Variants in RC3H2 observed in about 807,000 individuals in gnomAD.
RC3H2 encodes the protein roquin-2.
In RC3H2, 31 loss-of-function variants were observed where a neutral mutation model predicts 133.3. That is an observed-to-expected ratio of 0.23 (90% CI 0.17 to 0.31). RC3H2 has a LOEUF of 0.31. Ranked by LOEUF, RC3H2 falls within the 10% of genes least tolerant of loss-of-function variation. The pLI, the probability that RC3H2 is intolerant of heterozygous loss-of-function variation, is 1.00. For missense variants in RC3H2, 1,175 were observed against 1,437.2 expected, an observed-to-expected ratio of 0.82 and a Z score of 2.95; for synonymous variants, 517 against 502.2, an observed-to-expected ratio of 1.03 and a Z score of -0.40.
intron 2 of RC3H2, among the ~76,000 whole-genome samples, chr9:122,893,504 C>T (rs1229880353): frequency 1.3e-5 from 2 of 151,940 alleles, no homozygotes; most frequent in Admixed American, 1.3e-4. Context: ...AAAATAACAA[C>T]AATAACAGCA....
chr9:122,883,428 A>G (rs754207726), intron 4 of RC3H2, 49 bp from the exon 5 acceptor site: 16 of 1,456,626 alleles, frequency 1.1e-5, no homozygotes, highest in Non-Finnish European at 1.5e-5. Context: ...GGAACCCATC[A>G]GATCATGTGT....
At position 122,859,000 on chromosome 9, in the gene RC3H2, GA is replaced by G. The variant is rs1485609717; in HGVS notation, c.1951del (p.Ser651ProfsTer17). 6.2e-7 allele frequency: 1 copy of G among 1,614,120 alleles called. No homozygotes were observed. The highest frequency in any genetic ancestry group is 1.3e-5 in the African/African-American group (1 of 75,062). ...NVPESSLPPA[S>X]MPYADHYSTF... ...ACTGTAATGATCGGCATATGGCATG[GA>G]AGCAGGTGGGAGGGAGGACTCTGGA... On this transcript the variant is annotated frameshift_variant, in exon 12 of 21. Coordinates refer to ENST00000357244, the MANE Select transcript of RC3H2 (RefSeq NM_001100588.3). LOFTEE classifies it high-confidence loss of function.
At chr9:122,868,089 C>T (rs1479488073) in intron 9 of RC3H2, among the ~76,000 whole-genome samples, 3 of 140,858 alleles carry the variant, frequency 2.1e-5, no homozygotes, top group Middle Eastern at 3.9e-3. Context: ...GCACCCCGCC[C>T]GGCCAGCCAC....
At chr9:122,876,936 C>G (rs1389569811) in intron 9 of RC3H2, among the ~76,000 whole-genome samples, 1 of 152,148 alleles carries the variant, frequency 6.6e-6, no homozygotes, top group African/African-American at 2.4e-5. Context: ...TTAACTGAAT[C>G]TGAGCAAATA....
At chr9:122,873,931 C>G (rs1398566198) in intron 9 of RC3H2, 2 of 152,142 alleles carry the variant, frequency 1.3e-5, no homozygotes, top group African/African-American at 4.8e-5. Flanking sequence ...CATTCTCCCG[C>G]CTCAGCCTCC....
intron 10 of RC3H2, among the ~76,000 whole-genome samples, chr9:122,861,204 A>AT (rs1460062441): frequency 1.3e-5 from 2 of 152,104 alleles, no homozygotes; most frequent in African/African-American, 4.8e-5. Flanking sequence ...AAGAAGTCAA[A>AT]TTTCGGCCGG....
rs189275405 is a variant in RC3H2, at chr9:122,881,775, T to C, written c.760-981A>G. On this transcript the variant is annotated intron_variant, in intron 5 of 20. Transcript: ENST00000357244. ...TCTGGGCTCAAGCAATCCTCTCGCT[T>C]TGGCCTCCCAAAGTGCTGGGATTAC... Among the ~76,000 whole-genome samples the C allele has an allele frequency of 1.0e-3, 157 of 152,288 alleles. No homozygotes were observed. The Middle Eastern group carries it at 0.014, about 13-fold the overall frequency.
At chr9:122,861,438 C>T (rs1419589075) in intron 10 of RC3H2, among the ~76,000 whole-genome samples, 2 of 147,228 alleles carry the variant, frequency 1.4e-5, no homozygotes, top group African/African-American at 5.1e-5. Context: ...TGTGGTGAGC[C>T]GAGATCACGC....
chr9:122,858,574 A>C, intron 12 of RC3H2, 95 bp downstream of exon 12: 1 of 1,014,300 alleles, frequency 9.9e-7, no homozygotes, highest in East Asian at 2.4e-5. Context: ...TAAGTCACAC[A>C]ATTAGTAAGT....
chr9:122,856,530 T>C (rs879276060), intron 13 of RC3H2, among the ~76,000 whole-genome samples: 21 of 152,204 alleles, frequency 1.4e-4, no homozygotes, highest in Non-Finnish European at 2.5e-4. Context: ...GCTGGGATTA[T>C]AGGCATGAGC....
At chr9:122,876,660 C>G (rs577630206) in intron 9 of RC3H2, among the ~76,000 whole-genome samples, 2 of 150,404 alleles carry the variant, frequency 1.3e-5, no homozygotes, top group Non-Finnish European at 1.5e-5. Flanking sequence ...CACTGGCCAG[C>G]AGAAAGTAGA....
intron 2 of RC3H2, among the ~76,000 whole-genome samples, chr9:122,893,399 C>T (rs1483941598): frequency 1.3e-5 from 2 of 152,262 alleles, no homozygotes; most frequent in Middle Eastern, 3.4e-3. Context: ...GAGGCTGAGG[C>T]AGGAGAATCT....
intron 10 of RC3H2, 118 bp from the exon 11 acceptor site, chr9:122,860,249 T>A (rs558683731): frequency 1.4e-6 from 1 of 710,896 alleles, no homozygotes; most frequent in African/African-American, 1.8e-5. Context: ...ACTTCAGACA[T>A]TGCCACATTG....
intron 10 of RC3H2, 83 bp from the exon 11 acceptor site, chr9:122,860,214 T>C (rs962489755): frequency 1.6e-5 from 17 of 1,051,456 alleles, no homozygotes; most frequent in Non-Finnish European, 2.4e-5. Flanking sequence ...AATAAAATTA[T>C]ATTCTGAAAC....
Position 122,879,833 on chromosome 9 carries a change from C to T in RC3H2, c.1134G>A (p.Met378Ile). ...SPTWEQLENA[M>I]VAVKTVVHGL... Reference sequence around the variant, plus strand: ...CATGAACTACTGTTTTAACAGCTACCATTGCATTTTCCAGCTGCTCCCAAG... The same window carrying T: ...CATGAACTACTGTTTTAACAGCTACTATTGCATTTTCCAGCTGCTCCCAAG... Residue 378 changes from methionine (M) to isoleucine (I), a missense_variant, in exon 8 of 21, where the codon ATG becomes ATA. Met to Ile is a conservative substitution (Grantham distance 10, BLOSUM62 1). Transcript: ENST00000357244. The T allele has an allele frequency of 6.2e-7, 1 of 1,614,086 alleles. No individual in the cohort carries two copies. Among genetic ancestry groups the T allele is most frequent in the Non-Finnish European group, 8.5e-7 (1 of 1,180,014 alleles).
chr9:122,871,079 A>C (rs764381597), intron 9 of RC3H2, among the ~76,000 whole-genome samples: 1 of 152,140 alleles, frequency 6.6e-6, no homozygotes, highest in Non-Finnish European at 1.5e-5. Flanking sequence ...AGCAGAGGAG[A>C]ATAATTTATC....
intron 9 of RC3H2, among the ~76,000 whole-genome samples, chr9:122,867,091 C>T (rs1392611155): frequency 2.9e-5 from 4 of 136,604 alleles, no homozygotes; most frequent in Non-Finnish European, 4.8e-5. Flanking sequence ...TCTGCCCAGC[C>T]GCCCCGTCTG....
intron 10 of RC3H2, among the ~76,000 whole-genome samples, chr9:122,863,629 T>A (rs1478895672): frequency 6.6e-6 from 1 of 152,258 alleles, no homozygotes; most frequent in Non-Finnish European, 1.5e-5. Context: ...GTATCTTGTA[T>A]TCATGTGCCA....
intron 9 of RC3H2, chr9:122,873,770 AATTAT>A (rs1403943450): frequency 6.6e-6 from 1 of 152,148 alleles, no homozygotes; most frequent in Admixed American, 6.5e-5. Flanking sequence ...GTAAATAAAC[AATTAT>A]AATACTGTAG....
Sources: gnomAD v4.1 joint callset for allele counts (sites outside exome capture counted in the v4.1 genomes callset) on GRCh38, gnomAD v4.1.1 for gene constraint, MANE v1.5 for transcripts, NCBI Gene and HGNC (gene_info 2026-07-23, HGNC 2026-07-21) for gene names.